The following CRACR2A variants were observed in gnomAD, a reference collection of about 807,000 sequenced individuals.
The protein encoded by CRACR2A is calcium release activated channel regulator 2A.
CRACR2A carries 79 observed loss-of-function variants against 90.5 expected under a neutral mutation model. The ratio of observed to expected loss-of-function variants is 0.87; its 90% CI spans 0.73 to 1.05. The LOEUF (loss-of-function observed/expected upper bound fraction) is 1.05, where lower values mean the gene tolerates loss of function less well. Ranked by LOEUF, CRACR2A falls within the 50% of genes least tolerant of loss-of-function variation. The pLI is 0.00. For synonymous variants in CRACR2A, 338 were observed against 356.7 expected (o/e 0.95, Z 0.59); for missense variants, 823 against 897.2 (o/e 0.92, Z 1.06).
chr12:3,640,843 GCAA>G, intron 13 of CRACR2A: 4 of 1,297,944 alleles, frequency 3.1e-6, no homozygotes, highest in Non-Finnish European at 4.1e-6. Flanking sequence ...CTCTCAATGA[GCAA>G]TGAGCCAACC....
intron 15 of CRACR2A, among the ~76,000 whole-genome samples, chr12:3,630,689 A>G (rs1944362215): frequency 1.3e-5 from 2 of 152,212 alleles, no homozygotes; most frequent in Non-Finnish European, 2.9e-5. Context: ...ACCATTCCCA[A>G]GGTTCCTTCC....
At chr12:3,648,897 C>T (rs1170228727) in intron 10 of CRACR2A, among the ~76,000 whole-genome samples, 3 of 152,202 alleles carry the variant, frequency 2.0e-5, no homozygotes, top group Non-Finnish European at 4.4e-5. Context: ...AGGGTCCCCT[C>T]CTAACCCCAG....
intron 2 of CRACR2A, among the ~76,000 whole-genome samples, chr12:3,716,704 T>G (rs967156109): frequency 6.6e-6 from 1 of 152,304 alleles, no homozygotes; most frequent in Admixed American, 6.5e-5. Context: ...ATGAACTTCT[T>G]GTAAAGCATC....
At chr12:3,672,614 C>T (rs1032894909) in intron 7 of CRACR2A, 1 of 330,438 alleles carries the variant, frequency 3.0e-6, no homozygotes, top group Non-Finnish European at 4.3e-6. Context: ...AAAATGCGAG[C>T]TCATGGCTGT....
chr12:3,714,091 G>A (rs1047918468), intron 2 of CRACR2A, among the ~76,000 whole-genome samples: 1 of 152,188 alleles, frequency 6.6e-6, no homozygotes, highest in African/African-American at 2.4e-5. Context: ...CAAGGAGGCT[G>A]GCCTCTGTGC....
chr12:3,680,093 TG>T, intron 5 of CRACR2A, 144 bp downstream of exon 5: 1 of 618,270 alleles, frequency 1.6e-6, no homozygotes, highest in Non-Finnish European at 2.9e-6. Flanking sequence ...ATCTAGAGCC[TG>T]GAGACCTTGA....
chr12:3,620,275 A>T (rs1357011961), intron 17 of CRACR2A, among the ~76,000 whole-genome samples: 1 of 152,258 alleles, frequency 6.6e-6, no homozygotes, highest in Non-Finnish European at 1.5e-5. Context: ...TTTTACTTAA[A>T]TATTTAATTA....
At chr12:3,743,135 A>G (rs1401802675) in intron 1 of CRACR2A, among the ~76,000 whole-genome samples, 1 of 152,242 alleles carries the variant, frequency 6.6e-6, no homozygotes, top group African/African-American at 2.4e-5. Flanking sequence ...TTTTCATTCT[A>G]TTTCAAACTT....
intron 17 of CRACR2A, among the ~76,000 whole-genome samples, chr12:3,625,679 T>C (rs550667139): frequency 6.7e-6 from 1 of 150,342 alleles, no homozygotes; most frequent in East Asian, 2.0e-4. Context: ...ACCTCCAATA[T>C]GCTGAAAAAG....
intron 19 of CRACR2A, 85 bp from the exon 20 acceptor site, chr12:3,615,524 A>T: frequency 8.5e-7 from 1 of 1,177,706 alleles, no homozygotes. Context: ...CCCTCAGGTT[A>T]CAGGTCATCT....
At chr12:3,640,942 G>A (rs914325929) in intron 13 of CRACR2A, among the ~76,000 whole-genome samples, 6 of 152,194 alleles carry the variant, frequency 3.9e-5, no homozygotes, top group African/African-American at 1.4e-4. Flanking sequence ...TCATGGAAAC[G>A]ATCTGTCAAG....
At chr12:3,674,651 AT>A (rs1187630617) in intron 6 of CRACR2A, among the ~76,000 whole-genome samples, 55 of 152,394 alleles carry the variant, frequency 3.6e-4, no homozygotes, top group African/African-American at 1.3e-3. Context: ...CTAGTTTATT[AT>A]AAATTATCAA....
chr12:3,621,362 C>A (rs1334433894), intron 17 of CRACR2A, among the ~76,000 whole-genome samples: 1 of 149,820 alleles, frequency 6.7e-6, no homozygotes, highest in East Asian at 2.0e-4. Context: ...AATGGTGCCT[C>A]TTGCGTCCTG....
At chr12:3,647,962 ATTGCT>A in intron 11 of CRACR2A, 1 of 985,540 alleles carries the variant, frequency 1.0e-6, no homozygotes, top group Non-Finnish European at 1.2e-6. Flanking sequence ...CTTTGAGTTT[ATTGCT>A]GGGGGTCTTT....
At chr12:3,667,944 A>G (rs973296105) in intron 7 of CRACR2A, among the ~76,000 whole-genome samples, 1 of 152,226 alleles carries the variant, frequency 6.6e-6, no homozygotes, top group Non-Finnish European at 1.5e-5. Context: ...GAAATTGCCG[A>G]TTGGATTTTC....
At position 3,665,762 on chromosome 12, in the gene CRACR2A, A is replaced by G. The variant is rs778228460; in HGVS notation, c.672-6108T>C. On this transcript the variant is annotated intron_variant, in intron 7 of 19. Transcript: ENST00000440314. ...TGGGGACAGAAGACACAGGGTGGAT[A>G]AAACCTGACGAGGCTCAATAGAGAA... Among the ~76,000 whole-genome samples, 37 of 152,308 alleles carry G rather than the reference A, an allele frequency of 2.4e-4. 1 individual carries two copies. Among genetic ancestry groups the G allele is most frequent in the African/African-American group, 8.7e-4 (36 of 41,576 alleles).
At chr12:3,721,106 A>G (rs761377710) in intron 2 of CRACR2A, among the ~76,000 whole-genome samples, 3 of 152,242 alleles carry the variant, frequency 2.0e-5, no homozygotes, top group African/African-American at 4.8e-5. Flanking sequence ...AGCACGCACC[A>G]GCACAGCAAA....
chr12:3,747,739 G>A (rs1046820211), intron 1 of CRACR2A, among the ~76,000 whole-genome samples: 3 of 152,326 alleles, frequency 2.0e-5, no homozygotes, highest in East Asian at 3.9e-4. Context: ...CCAGAAACAC[G>A]AGTGCAGGTT....
intron 6 of CRACR2A, among the ~76,000 whole-genome samples, chr12:3,676,618 C>G (rs1407952925): frequency 1.3e-5 from 2 of 152,224 alleles, no homozygotes; most frequent in African/African-American, 4.8e-5. Flanking sequence ...GAGAAGACAA[C>G]TGTCTGTGAA....
Sources: allele counts gnomAD v4.1 joint callset (sites outside exome capture counted in the v4.1 genomes callset), GRCh38; gene constraint gnomAD v4.1.1; transcripts MANE v1.5; gene names NCBI Gene and HGNC (gene_info 2026-07-23, HGNC 2026-07-21).